Variants in NOVA2 observed in about 807,000 individuals in gnomAD.
NOVA2 encodes RNA-binding protein Nova-2.
A neutral mutation model predicts 22.5 loss-of-function variants in NOVA2; 9 were observed. That is an observed-to-expected ratio of 0.40 (90% CI 0.24 to 0.70). NOVA2 has a LOEUF of 0.70. Among genes scored for constraint, NOVA2 ranks in the 30% least tolerant of loss-of-function variants. NOVA2 has a pLI of 0.38. For missense variants in NOVA2, 383 were observed against 682.8 expected (o/e 0.56, Z 4.89); for synonymous variants, 318 against 335.2 (o/e 0.95, Z 0.56).
intron 3 of NOVA2, among the ~76,000 whole-genome samples, chr19:45,950,665 T>G (rs1426150072): frequency 1.3e-5 from 2 of 152,164 alleles, no homozygotes; most frequent in Non-Finnish European, 2.9e-5. Flanking sequence ...CTTAGAATCT[T>G]GGAATCACAG....
intron 1 of NOVA2, among the ~76,000 whole-genome samples, chr19:45,961,465 G>A (rs1186284794): frequency 6.6e-6 from 1 of 151,964 alleles, no homozygotes; most frequent in Non-Finnish European, 1.5e-5. Context: ...TTCTAGGTGG[G>A]GAAGACAGAC....
At chr19:45,950,971 A>G (rs1967916612) in intron 3 of NOVA2, among the ~76,000 whole-genome samples, 1 of 152,222 alleles carries the variant, frequency 6.6e-6, no homozygotes, top group Admixed American at 6.5e-5. Flanking sequence ...ATCCCGGGCC[A>G]GAGTTTATGC....
intron 1 of NOVA2, among the ~76,000 whole-genome samples, chr19:45,967,238 G>C (rs1466824829): frequency 6.6e-6 from 1 of 151,998 alleles, no homozygotes; most frequent in Non-Finnish European, 1.5e-5. Context: ...TCTGTTTGGG[G>C]AAGTTTCCCA....
chr19:45,971,659 C>T (rs181860796), intron 1 of NOVA2, among the ~76,000 whole-genome samples: 160 of 152,246 alleles, frequency 1.1e-3, no homozygotes, highest in African/African-American at 3.7e-3. Context: ...ACCCCACCCA[C>T]TGCCAGGCCT....
At chr19:45,956,049 C>G (rs913166708) in intron 2 of NOVA2, among the ~76,000 whole-genome samples, 66 of 152,126 alleles carry the variant, frequency 4.3e-4, no homozygotes, top group Non-Finnish European at 7.6e-4. Context: ...GCCAGCCTCG[C>G]CATGTGTCTG....
rs551084514 is a variant in NOVA2 at position 45,958,372 on chromosome 19, T to A, written c.229+2638A>T. 4.8e-4 allele frequency among the ~76,000 whole-genome samples: 69 copies of A among 144,660 alleles called. 1 individual carries two copies. Among genetic ancestry groups the A allele is most frequent in the African/African-American group, 1.2e-3 (49 of 40,040 alleles). The allele number at this position is 144,660 out of a possible 152,430, so 94.9% of individuals were successfully genotyped here. On this transcript the variant is annotated intron_variant, in intron 2 of 3. Transcript: ENST00000263257. ...CAAGTGCTGTGTGTGTGTGTGTGTGTGAGAGTGTGTGTGTGTGGGAGCATG... is the reference window on the plus strand; with the variant it reads ...CAAGTGCTGTGTGTGTGTGTGTGTGAGAGAGTGTGTGTGTGTGGGAGCATG...
chr19:45,958,110 C>CA (rs33945455), intron 2 of NOVA2, among the ~76,000 whole-genome samples: 17,665 of 87,462 alleles, frequency 0.2, 1,687 homozygotes, highest in Middle Eastern at 0.28. Context: ...GACTCCGTCT[C>CA]AAAAAAAAAA....
intron 2 of NOVA2, among the ~76,000 whole-genome samples, chr19:45,960,512 G>A (rs1331889727): frequency 6.6e-6 from 1 of 151,882 alleles, no homozygotes; most frequent in East Asian, 1.9e-4. Flanking sequence ...GAGGGAGGCA[G>A]AGGGGAGCAA....
chr19:45,962,728 C>A (rs1396853288), intron 1 of NOVA2: 1 of 152,048 alleles, frequency 6.6e-6, no homozygotes, highest in Non-Finnish European at 1.5e-5. Context: ...TTCACTGCAA[C>A]CTCCACCTCC....
rs551320291 is a variant in NOVA2 at position 45,955,900 on chromosome 19, G to A, written c.230-1954C>T. 9.9e-5 allele frequency among the ~76,000 whole-genome samples: 15 copies of A among 152,200 alleles called. 1 individual carries two copies. The South Asian group carries it at 2.9e-3, about 30-fold the overall frequency. ...AGAAAAAAAACAAAAAGTGTCTTGA[G>A]TGTGCACCAGGCACCGTGTGGCTGT... On this transcript the variant is annotated intron_variant, in intron 2 of 3. Transcript: ENST00000263257.
rs1036322827 is a variant in NOVA2 at position 45,939,018 on chromosome 19, G to C, written c.*845C>G. On this transcript the variant is annotated 3_prime_UTR_variant, in exon 4 of 4. Transcript: ENST00000263257. ...CCTGTGACATCATAAGGGGTGCCCAGAAGCACCCCAGAAAGTACTCAGTGA... is the reference window on the plus strand; with the variant it reads ...CCTGTGACATCATAAGGGGTGCCCACAAGCACCCCAGAAAGTACTCAGTGA... 6.6e-6 allele frequency: 1 copy of C among 152,208 alleles called. No individual in the cohort carries two copies. Among genetic ancestry groups the C allele is most frequent in the Non-Finnish European group, 1.5e-5 (1 of 68,048 alleles). The allele number at this position is 152,208 out of a possible 1,614,324, so 9.4% of individuals were successfully genotyped here. A position where few individuals can be genotyped will look rare whatever the true frequency, so the allele number is the denominator to read the frequency against.
At chr19:45,956,151 C>T (rs982641756) in intron 2 of NOVA2, among the ~76,000 whole-genome samples, 1 of 152,188 alleles carries the variant, frequency 6.6e-6, no homozygotes, top group African/African-American at 2.4e-5. Context: ...CTTCCCCACC[C>T]CAGAACAATG....
intron 3 of NOVA2, among the ~76,000 whole-genome samples, chr19:45,945,898 C>A (rs1350546746): frequency 6.8e-6 from 1 of 147,298 alleles, no homozygotes; most frequent in Non-Finnish European, 1.5e-5. Flanking sequence ...GCAGTGGCAT[C>A]ATCTCAGCTC....
intron 1 of NOVA2, among the ~76,000 whole-genome samples, chr19:45,966,799 C>T (rs1968173337): frequency 6.6e-6 from 1 of 152,108 alleles, no homozygotes; most frequent in South Asian, 2.1e-4. Context: ...ATTGCTTGAA[C>T]CCGGGAGGCG....
At chr19:45,958,502 T>C (rs1179774929) in intron 2 of NOVA2, among the ~76,000 whole-genome samples, 1 of 148,946 alleles carries the variant, frequency 6.7e-6, no homozygotes, top group Non-Finnish European at 1.5e-5. Flanking sequence ...AGTGTGAGTG[T>C]GTGTAAGCAT....
intron 2 of NOVA2, among the ~76,000 whole-genome samples, chr19:45,957,606 A>G (rs1968023912): frequency 6.6e-6 from 1 of 151,634 alleles, no homozygotes; most frequent in East Asian, 1.9e-4. Flanking sequence ...CAGGAGGCTG[A>G]GGTGGGAGAA....
chr19:45,956,642 G>T (rs1968010736), intron 2 of NOVA2, among the ~76,000 whole-genome samples: 1 of 152,102 alleles, frequency 6.6e-6, no homozygotes. Flanking sequence ...TCTAAGTTTT[G>T]CATTTTTTGT....
chr19:45,964,461 G>T (rs1255023924), intron 1 of NOVA2, among the ~76,000 whole-genome samples: 1 of 149,938 alleles, frequency 6.7e-6, no homozygotes. Flanking sequence ...AGATTACAGG[G>T]GTGAGCCACA....
At position 45,936,167 on chromosome 19, in the gene NOVA2, A is replaced by T. The variant is rs918485188; in HGVS notation, c.*3696T>A. On this transcript the variant is annotated 3_prime_UTR_variant, in exon 4 of 4. Coordinates refer to ENST00000263257, the MANE Select transcript of NOVA2 (RefSeq NM_002516.4). ...TTGGCACATCGAACCCCCTCTTCTCATAGGAGCTTTGAGGTCCTTCTCTTG... is the reference window on the plus strand; with the variant it reads ...TTGGCACATCGAACCCCCTCTTCTCTTAGGAGCTTTGAGGTCCTTCTCTTG... The T allele has an allele frequency of 2.6e-5, 4 of 152,170 alleles. No individual in the cohort carries two copies. The highest frequency in any genetic ancestry group is 9.7e-5 in the African/African-American group (4 of 41,446). 9.4% of individuals were successfully genotyped at this position (152,170 alleles called of 1,614,324 possible).
Sources: gnomAD v4.1 joint callset for allele counts (sites outside exome capture counted in the v4.1 genomes callset) on GRCh38, gnomAD v4.1.1 for gene constraint, MANE v1.5 for transcripts, NCBI Gene and HGNC (gene_info 2026-07-23, HGNC 2026-07-21) for gene names.